The following CNTN6 variants were observed in gnomAD, a reference collection of about 807,000 sequenced individuals.
The protein encoded by CNTN6 is contactin-6.
In CNTN6, 137 loss-of-function variants were observed where a neutral mutation model predicts 122.8. The observed-to-expected ratio is 1.12, with a 90% CI of 0.97 to 1.29. The LOEUF is 1.29. CNTN6 is among the 50% of genes most tolerant of loss of function. CNTN6 has a pLI of 0.00. For missense variants in CNTN6, 1,634 were observed against 1,223.4 expected (o/e 1.34, Z -5.01); for synonymous variants, 570 against 426.0 (o/e 1.34, Z -4.16).
intron 17 of CNTN6, among the ~76,000 whole-genome samples, chr3:1,382,657 CTG>C (rs1028783684): frequency 8.5e-5 from 13 of 152,104 alleles, no homozygotes; most frequent in African/African-American, 2.7e-4. Context: ...ATCTTTTAAA[CTG>C]TTTTATTATT....
chr3:1,289,371 A>C (rs1030315801), intron 5 of CNTN6, among the ~76,000 whole-genome samples: 1 of 152,156 alleles, frequency 6.6e-6, no homozygotes, highest in African/African-American at 2.4e-5. Flanking sequence ...TTACATCTTC[A>C]CCAATTCAGA....
At chr3:1,239,619 G>A (rs2094458900) in intron 4 of CNTN6, among the ~76,000 whole-genome samples, 1 of 152,088 alleles carries the variant, frequency 6.6e-6, no homozygotes, top group Non-Finnish European at 1.5e-5. Flanking sequence ...TACAAAGTCA[G>A]TGCAATTCCC....
At chr3:1,337,931 G>T (rs955770222) in intron 11 of CNTN6, among the ~76,000 whole-genome samples, 3 of 151,970 alleles carry the variant, frequency 2.0e-5, no homozygotes. Flanking sequence ...GACCTCCACT[G>T]ATCTGGGGCA....
At chr3:1,108,651 A>G (rs1254784408) in intron 1 of CNTN6, among the ~76,000 whole-genome samples, 1 of 152,080 alleles carries the variant, frequency 6.6e-6, no homozygotes, top group African/African-American at 2.4e-5. Flanking sequence ...TGCTTGTTAT[A>G]TTTAAGGCTC....
rs748004222 is a variant in CNTN6, at chr3:1,372,938, C to G, written c.1769C>G (p.Ala590Gly). The change falls in exon 14 of 23, where the codon GCC becomes GGC. Residue 590 changes from alanine (A) to glycine (G), a missense_variant. Transcript: ENST00000446702. ...ACCCTAGAAAGTTTATCTGCAGTAG[C>G]CGATATCATTGTTAGAGGTAAGCAT... ...QTTLESLSAV[A>G]DIIVRGPPGP... 15 of 1,582,760 alleles carry G rather than the reference C, an allele frequency of 9.5e-6. No individual in the cohort carries two copies. Among genetic ancestry groups the G allele is most frequent in the Non-Finnish European group, 1.3e-5 (15 of 1,155,610 alleles).
At chr3:1,355,996 T>A (rs2126087116) in intron 12 of CNTN6, among the ~76,000 whole-genome samples, 1 of 151,888 alleles carries the variant, frequency 6.6e-6, no homozygotes, top group African/African-American at 2.4e-5. Context: ...TAGCAGCAGC[T>A]TTTCCAGCGC....
intron 20 of CNTN6, among the ~76,000 whole-genome samples, chr3:1,390,003 A>G (rs1268374495): frequency 6.6e-6 from 1 of 151,570 alleles, no homozygotes; most frequent in Non-Finnish European, 1.5e-5. Context: ...CAGATCAATG[A>G]GACAGAAAGT....
chr3:1,215,437 C>T (rs2094117006), intron 2 of CNTN6, among the ~76,000 whole-genome samples: 1 of 152,114 alleles, frequency 6.6e-6, no homozygotes. Context: ...TGTTGCTTGC[C>T]TATTCCAATT....
rs3043054 is a variant in CNTN6 at position 1,156,681 on chromosome 3, T to TTCCC, written c.55+8628_55+8631dup. Among the ~76,000 whole-genome samples, 5 of 146,704 alleles carry TTCCC rather than the reference T, an allele frequency of 3.4e-5. No individual in the cohort carries two copies. The East Asian group carries it at 8.2e-4, about 24-fold the overall frequency. ...TCTTTCCCTTCCTTCCTTCCTTCCT[T>TTCCC]TCCCTCCCTCCCTTCCTTCCTTCCT... On this transcript the variant is annotated intron_variant, in intron 2 of 22. Transcript: ENST00000446702.
At chr3:1,281,011 C>T (rs946101357) in intron 5 of CNTN6, among the ~76,000 whole-genome samples, 3 of 152,090 alleles carry the variant, frequency 2.0e-5, no homozygotes, top group Non-Finnish European at 4.4e-5. Flanking sequence ...AGGAAGAGCC[C>T]CATCTCTTGT....
intron 7 of CNTN6, among the ~76,000 whole-genome samples, chr3:1,310,158 G>A (rs1284488708): frequency 1.3e-5 from 2 of 151,920 alleles, no homozygotes; most frequent in Admixed American, 6.6e-5. Flanking sequence ...ATACAATGAT[G>A]ACAGTGAGTG....
At chr3:1,265,714 C>T (rs967520823) in intron 4 of CNTN6, among the ~76,000 whole-genome samples, 3 of 152,286 alleles carry the variant, frequency 2.0e-5, no homozygotes, top group African/African-American at 7.2e-5. Flanking sequence ...TGCAGTCAGA[C>T]CACTTTGGTT....
chr3:1,397,726 C>T (rs1266903047), intron 20 of CNTN6, among the ~76,000 whole-genome samples: 2 of 152,034 alleles, frequency 1.3e-5, no homozygotes, highest in African/African-American at 2.4e-5. Context: ...TGGCCCTTGA[C>T]GTTGACTGAC....
intron 14 of CNTN6, among the ~76,000 whole-genome samples, chr3:1,373,375 A>C (rs1427895949): frequency 6.6e-6 from 1 of 152,122 alleles, no homozygotes; most frequent in Non-Finnish European, 1.5e-5. Context: ...GTTGATATGC[A>C]ATCATCCTAT....
In CNTN6 at chr3:1,384,713, C is replaced by T. The variant is rs556335273; in HGVS notation, c.2518-898C>T. Among the ~76,000 whole-genome samples the T allele has an allele frequency of 3.2e-4, 42 of 131,910 alleles. 2 individuals carry two copies. The highest frequency in any genetic ancestry group is 2.9e-3 in the Admixed American group (38 of 13,194). 86.5% of individuals were successfully genotyped at this position (131,910 alleles called of 152,430 possible). A position where few individuals can be genotyped will look rare whatever the true frequency, so the allele number is the denominator to read the frequency against. On this transcript the variant is annotated intron_variant, in intron 19 of 22. Transcript: ENST00000446702. ...ACACACACACACACGTATACATATA[C>T]ATACTATATATACACACATATATAT...
At chr3:1,336,231 T>A (rs1245764251) in intron 11 of CNTN6, among the ~76,000 whole-genome samples, 1 of 152,108 alleles carries the variant, frequency 6.6e-6, no homozygotes, top group Non-Finnish European at 1.5e-5. Context: ...ATAATGATGA[T>A]AACCACTTTA....
chr3:1,254,097 A>G (rs6805259), intron 4 of CNTN6, among the ~76,000 whole-genome samples: 16,140 of 152,166 alleles, frequency 0.11, 1,286 homozygotes, highest in South Asian at 0.32. Context: ...ACAGATTTTT[A>G]TTTAAATGTG....
At position 1,132,263 on chromosome 3, in the gene CNTN6, A is replaced by G. The variant is rs573326667; in HGVS notation, c.-82-15664A>G. The stretch of plus-strand genomic sequence containing the variant: ...TTTTAAAAATCTGTTTGCAACCAAT[A>G]AGCCAAAAATGGGATGTGCTCAAAT... On this transcript the variant is annotated intron_variant, in intron 1 of 22. Coordinates refer to ENST00000446702, the MANE Select transcript of CNTN6 (RefSeq NM_001289080.2). Among the ~76,000 whole-genome samples the G allele has an allele frequency of 7.9e-4, 120 of 152,222 alleles. 1 individual carries two copies. Among genetic ancestry groups the G allele is most frequent in the Non-Finnish European group, 1.4e-3 (98 of 68,016 alleles).
chr3:1,307,446 G>A (rs9843920), intron 7 of CNTN6, among the ~76,000 whole-genome samples: 40,212 of 151,886 alleles, frequency 0.26, 7,937 homozygotes, highest in African/African-American at 0.56. Flanking sequence ...AATATTGAAC[G>A]GATAGTACAG....
Sources: gnomAD v4.1 joint callset for allele counts (sites outside exome capture counted in the v4.1 genomes callset) on GRCh38, gnomAD v4.1.1 for gene constraint, MANE v1.5 for transcripts, NCBI Gene and HGNC (gene_info 2026-07-23, HGNC 2026-07-21) for gene names.